Variants in APH1B observed in about 807,000 individuals in gnomAD.
APH1B encodes gamma-secretase subunit APH-1B.
Under a neutral mutation model 28.2 loss-of-function variants are expected in APH1B, and 27 were observed. The observed-to-expected ratio is 0.96, with a 90% CI of 0.70 to 1.32. APH1B has a LOEUF of 1.32. Ranked by LOEUF, APH1B falls within the 40% of genes most tolerant of loss-of-function variation. The pLI is 0.00. For synonymous variants in APH1B, 141 were observed against 124.6 expected, an observed-to-expected ratio of 1.13 and a Z score of -0.88; for missense variants, 305 against 313.6, an observed-to-expected ratio of 0.97 and a Z score of 0.21.
chr15:63,302,299 G>A, intron 4 of APH1B, 46 bp from the exon 5 acceptor site: 1 of 1,604,666 alleles, frequency 6.2e-7, no homozygotes, highest in Non-Finnish European at 8.5e-7. Context: ...GTCCTCAGTG[G>A]TTCTGATACC....
intron 4 of APH1B, among the ~76,000 whole-genome samples, chr15:63,288,982 G>A (rs2038476063): frequency 1.3e-5 from 2 of 152,110 alleles, no homozygotes; most frequent in African/African-American, 2.4e-5. Flanking sequence ...ACTAGATGGT[G>A]CTAATTCCCT....
At chr15:63,295,855 G>A (rs907155843) in intron 4 of APH1B, among the ~76,000 whole-genome samples, 1 of 152,188 alleles carries the variant, frequency 6.6e-6, no homozygotes, top group Non-Finnish European at 1.5e-5. Context: ...AAGTATTTTG[G>A]ACCATGTGGG....
In APH1B at chr15:63,302,424, G is replaced by A. The variant is rs750719908; in HGVS notation, c.558G>A (p.Trp186Ter). 9 of 1,613,864 alleles carry A rather than the reference G, an allele frequency of 5.6e-6. No individual in the cohort carries two copies. Among genetic ancestry groups the A allele is most frequent in the East Asian group, 4.5e-5 (2 of 44,876 alleles). Residue 186 changes from tryptophan (W) to a stop codon, truncating the protein, a stop_gained, in exon 5 of 6, where the codon TGG becomes TGA. Transcript: ENST00000261879. LOFTEE classifies it high-confidence loss of function. ...TTGATGGCTGTGAGAAGAAAAAGTGGGGCATCCTCCTTATCGTTCTCCTGA... is the reference window on the plus strand; with the variant it reads ...TTGATGGCTGTGAGAAGAAAAAGTGAGGCATCCTCCTTATCGTTCTCCTGA... ...VFFDGCEKKK[W>*]GILLIVLLTH...
intron 1 of APH1B, 122 bp from the exon 2 acceptor site, chr15:63,279,039 T>G (rs2038356390): frequency 1.3e-6 from 1 of 798,292 alleles, no homozygotes; most frequent in African/African-American, 1.7e-5. Context: ...GACTTTCTTT[T>G]CCTTATTGAA....
chr15:63,305,558 C>T (rs557380905), intron 5 of APH1B, 56 bp from the exon 6 acceptor site: 3 of 1,578,310 alleles, frequency 1.9e-6, no homozygotes, highest in East Asian at 4.5e-5. Context: ...TTGGTTATTC[C>T]ACATGTTTAA....
rs2038683052 is a variant in APH1B at position 63,305,893 on chromosome 15, A to T, written c.*112A>T. 5 of 1,338,162 alleles carry T rather than the reference A, an allele frequency of 3.7e-6. No homozygotes were observed. The Admixed American group carries it at 1.4e-4, about 37-fold the overall frequency. The allele number at this position is 1,338,162 out of a possible 1,614,324, so 82.9% of individuals were successfully genotyped here. A position where few individuals can be genotyped will look rare whatever the true frequency, so the allele number is the denominator to read the frequency against. ...GTGGAATTGAGAAAGAAATAAAACT[A>T]TGCAGATATGCGTTCCATTCACTTG... On this transcript the variant is annotated 3_prime_UTR_variant, in exon 6 of 6. Coordinates refer to ENST00000261879, the MANE Select transcript of APH1B (RefSeq NM_031301.4).
At chr15:63,296,309 A>T (rs890648510) in intron 4 of APH1B, among the ~76,000 whole-genome samples, 1 of 152,156 alleles carries the variant, frequency 6.6e-6, no homozygotes, top group Non-Finnish European at 1.5e-5. Flanking sequence ...AAGCCCATTG[A>T]TCTTCACATC....
chr15:63,302,590 G>T, intron 5 of APH1B, 118 bp downstream of exon 5: 1 of 1,367,834 alleles, frequency 7.3e-7, no homozygotes, highest in Non-Finnish European at 9.7e-7. Flanking sequence ...ATTCAGAAAA[G>T]CTATTTAAGT....
chr15:63,306,980 C>T lies in APH1B; in HGVS notation c.*1199C>T, dbSNP rs1171521510. 2.6e-5 allele frequency: 4 copies of T among 152,134 alleles called. No individual in the cohort carries two copies. The highest frequency in any genetic ancestry group is 5.9e-5 in the Non-Finnish European group (4 of 68,038). 9.4% of individuals were successfully genotyped at this position (152,134 alleles called of 1,614,324 possible). On this transcript the variant is annotated 3_prime_UTR_variant, in exon 6 of 6. Transcript: ENST00000261879. ...GTGTTCTTTCAGCTTCCAGACAGGT[C>T]CTTTGATTTCCTTTATAAAGGGAAA...
At chr15:63,283,229 C>G (rs2038408857) in intron 2 of APH1B, among the ~76,000 whole-genome samples, 1 of 152,120 alleles carries the variant, frequency 6.6e-6, no homozygotes, top group Non-Finnish European at 1.5e-5. Context: ...TAGCTAAAAT[C>G]TTTGATTGAT....
At chr15:63,293,728 C>T (rs772623923) in intron 4 of APH1B, among the ~76,000 whole-genome samples, 6 of 152,114 alleles carry the variant, frequency 3.9e-5, no homozygotes, top group Non-Finnish European at 8.8e-5. Context: ...GAACTCCTGA[C>T]CTCGTCATCT....
At chr15:63,301,317 T>G (rs2038624708) in intron 4 of APH1B, among the ~76,000 whole-genome samples, 1 of 152,228 alleles carries the variant, frequency 6.6e-6, no homozygotes, top group African/African-American at 2.4e-5. Context: ...GACTTGAATT[T>G]TTGCCAGTCT....
chr15:63,283,688 A>G (rs1194708568), intron 2 of APH1B, among the ~76,000 whole-genome samples: 1 of 151,956 alleles, frequency 6.6e-6, no homozygotes, highest in Non-Finnish European at 1.5e-5. Flanking sequence ...AAAGTTTTTA[A>G]TTTTGGTGAG....
intron 4 of APH1B, among the ~76,000 whole-genome samples, chr15:63,296,409 C>A (rs1350938443): frequency 6.6e-6 from 1 of 152,220 alleles, no homozygotes; most frequent in Non-Finnish European, 1.5e-5. Context: ...CTTTGGCTTG[C>A]TCTGACTTAG....
At position 63,277,696 on chromosome 15, in the gene APH1B, A is replaced by G. The variant is rs1477289564; in HGVS notation, c.73A>G (p.Ile25Val). The change falls in exon 1 of 6, where the codon ATC (isoleucine) becomes GTC (valine). Residue 25 changes from isoleucine (I) to valine (V), a missense_variant. Transcript: ENST00000261879. ...TGCGCTCGCCCTTTATGTCTTCACC[A>G]TCGCCACCGAGCCGTTGCGTATCAT... Reference protein sequence around the residue: ...GPALALYVFTIATEPLRIIFL... With the variant: ...GPALALYVFTVATEPLRIIFL... 9 of 1,610,262 alleles carry G rather than the reference A, an allele frequency of 5.6e-6. No homozygotes were observed. The highest frequency in any genetic ancestry group is 3.3e-5 in the South Asian group (3 of 90,878).
chr15:63,297,314 C>G (rs978592074), intron 4 of APH1B, among the ~76,000 whole-genome samples: 68 of 152,172 alleles, frequency 4.5e-4, no homozygotes, highest in African/African-American at 1.5e-3. Flanking sequence ...TGCCTGAACT[C>G]CCAGGAGTTT....
intron 2 of APH1B, among the ~76,000 whole-genome samples, chr15:63,281,979 T>C (rs1210913553): frequency 1.3e-5 from 2 of 152,162 alleles, no homozygotes; most frequent in African/African-American, 4.8e-5. Context: ...AATTTGCAAA[T>C]GGTAGGACAG....
At chr15:63,302,297 TG>T in intron 4 of APH1B, 47 bp from the exon 5 acceptor site, 1 of 1,602,808 alleles carries the variant, frequency 6.2e-7, no homozygotes, top group East Asian at 2.2e-5. Context: ...GGGTCCTCAG[TG>T]GTTCTGATAC....
At position 63,285,742 on chromosome 15, in the gene APH1B, G is replaced by C. The variant is rs2038438665; in HGVS notation, c.285-816G>C. 2.0e-5 allele frequency among the ~76,000 whole-genome samples: 3 copies of C among 152,360 alleles called. No individual in the cohort carries two copies. In the South Asian group the frequency reaches 6.2e-4, roughly 32 times the overall value. On this transcript the variant is annotated intron_variant, in intron 2 of 5. Coordinates refer to ENST00000261879, the MANE Select transcript of APH1B (RefSeq NM_031301.4). ...CTGCCTTGGCCTCCCAAAGTGCTGA[G>C]CCACCATGCTCGGCTGAAGATTATT...
Sources: gnomAD v4.1 joint callset for allele counts (sites outside exome capture counted in the v4.1 genomes callset) on GRCh38, gnomAD v4.1.1 for gene constraint, MANE v1.5 for transcripts, NCBI Gene and HGNC (gene_info 2026-07-23, HGNC 2026-07-21) for gene names.